The following FBXO7 variants were observed in gnomAD, a reference collection of about 807,000 sequenced individuals.
The protein encoded by FBXO7 is F-box protein 7.
Under a neutral mutation model 50.2 loss-of-function variants are expected in FBXO7, and 31 were observed. The ratio of observed to expected loss-of-function variants is 0.62; its 90% CI spans 0.46 to 0.83. The LOEUF (loss-of-function observed/expected upper bound fraction) is 0.83. FBXO7 is among the 40% of genes least tolerant of loss of function. The pLI, the probability that FBXO7 is intolerant of heterozygous loss-of-function variation, is 0.00. For missense variants in FBXO7, 667 were observed against 646.6 expected, an observed-to-expected ratio of 1.03 and a Z score of -0.34; for synonymous variants, 256 against 253.1, an observed-to-expected ratio of 1.01 and a Z score of -0.11.
At chr22:32,486,803 T>C (rs2057501704) in intron 4 of FBXO7, among the ~76,000 whole-genome samples, 1 of 152,186 alleles carries the variant, frequency 6.6e-6, no homozygotes, top group African/African-American at 2.4e-5. Flanking sequence ...AATTAGCAAA[T>C]GTAGCTTTTA....
intron 6 of FBXO7, 81 bp from the exon 7 acceptor site, chr22:32,493,024 T>A: frequency 7.4e-7 from 1 of 1,352,580 alleles, no homozygotes; most frequent in Non-Finnish European, 1.1e-6. Flanking sequence ...AAGGAACAAG[T>A]GGCAACTTTG....
At position 32,490,698 on chromosome 22, in the gene FBXO7, G is replaced by A. The variant is rs566426534; in HGVS notation, c.872-388G>A. On this transcript the variant is annotated intron_variant, in intron 5 of 8. Transcript: ENST00000266087. ...AGGTGCTGATACATAGTCATCATGC[G>A]ATAAATGCTATTAATTTACCAGGTT... 1.4e-3 allele frequency: 257 copies of A among 182,338 alleles called. 1 individual carries two copies. The highest frequency in any genetic ancestry group is 4.9e-3 in the Middle Eastern group (2 of 408). 11.3% of individuals were successfully genotyped at this position (182,338 alleles called of 1,614,324 possible). A position where few individuals can be genotyped will look rare whatever the true frequency, so the allele number is the denominator to read the frequency against.
chr22:32,498,282 C>G lies in FBXO7; in HGVS notation c.1321C>G (p.Pro441Ala). ...PRPFPSSRLPPGIIGGEYDQR... is the reference protein window; with the variant it reads ...PRPFPSSRLPAGIIGGEYDQR... The stretch of plus-strand genomic sequence containing the variant: ...GCCATTTCCTAGCTCCCGCCTTCCT[C>G]CAGGAATTATCGGGGGTGAATATGA... Residue 441 changes from proline to alanine, a missense_variant, in exon 9 of 9, where the codon CCA becomes GCA. Physicochemically the swap from Pro to Ala is conservative, Grantham distance 27 (BLOSUM62 -1). Coordinates refer to ENST00000266087, the MANE Select transcript of FBXO7 (RefSeq NM_012179.4). 6.2e-7 allele frequency: 1 copy of G among 1,614,196 alleles called. No individual in the cohort carries two copies. The highest frequency in any genetic ancestry group is 8.5e-7 in the Non-Finnish European group (1 of 1,180,032).
intron 1 of FBXO7, among the ~76,000 whole-genome samples, chr22:32,478,355 A>G (rs745767851): frequency 6.6e-6 from 1 of 152,204 alleles, no homozygotes; most frequent in Non-Finnish European, 1.5e-5. Context: ...ATGTAACAGC[A>G]GGGGAAAATG....
intron 6 of FBXO7, chr22:32,492,693 A>G (rs1033897972): frequency 8.3e-6 from 2 of 242,200 alleles, no homozygotes; most frequent in Admixed American, 1.0e-4. Context: ...TAACTTGTCC[A>G]AAGGCACACA....
At chr22:32,494,370 G>A (rs958669574) in intron 7 of FBXO7, among the ~76,000 whole-genome samples, 2 of 151,780 alleles carry the variant, frequency 1.3e-5, no homozygotes, top group Admixed American at 6.6e-5. Context: ...TTTGAGACAG[G>A]GTCTAGTTGT....
rs62241255 is a variant in FBXO7 at position 32,489,057 on chromosome 22, G to A, written c.871+1229G>A. Reference sequence around the variant, plus strand: ...GAACTCCTGACCTTGTGATCTGCCCGCCTCGGCCTCCCAAAGTGCTGGGAT... The same window carrying A: ...GAACTCCTGACCTTGTGATCTGCCCACCTCGGCCTCCCAAAGTGCTGGGAT... On this transcript the variant is annotated intron_variant, in intron 5 of 8. Coordinates refer to ENST00000266087, the MANE Select transcript of FBXO7 (RefSeq NM_012179.4). 1,358 of 152,150 alleles carry A rather than the reference G, an allele frequency of 8.9e-3. 13 individuals are homozygous for A. The highest frequency in any genetic ancestry group is 0.014 in the Non-Finnish European group (949 of 68,038). 9.4% of individuals were successfully genotyped at this position (152,150 alleles called of 1,614,324 possible).
rs1212272555 is a variant in FBXO7 at position 32,495,473 on chromosome 22, T to G, written c.1145-20T>G. 2 of 1,551,252 alleles carry G rather than the reference T, an allele frequency of 1.3e-6. No individual in the cohort carries two copies. On this transcript the variant is annotated intron_variant, in intron 7 of 8. Transcript: ENST00000266087. ...GAATGAAATGTTTTTAAATCCTTAT[T>G]TTTCCCTTTTCCTTTGTAGACAATA...
chr22:32,481,128 TG>T (rs1428732766), intron 2 of FBXO7, among the ~76,000 whole-genome samples: 6 of 152,218 alleles, frequency 3.9e-5, no homozygotes, highest in African/African-American at 1.2e-4. Context: ...CATGGTAACT[TG>T]TCATGGCATT....
At chr22:32,490,881 A>G (rs1053610094) in intron 5 of FBXO7, 10 of 530,486 alleles carry the variant, frequency 1.9e-5, no homozygotes, top group Non-Finnish European at 3.0e-5. Flanking sequence ...CTAATTTGAT[A>G]TCATGGAATT....
intron 4 of FBXO7, among the ~76,000 whole-genome samples, chr22:32,486,912 G>A (rs1027555521): frequency 2.6e-5 from 4 of 152,200 alleles, no homozygotes; most frequent in African/African-American, 9.7e-5. Context: ...TTACCAAATA[G>A]TAAATGTGTA....
intron 3 of FBXO7, 58 bp downstream of exon 3, chr22:32,484,182 C>T: frequency 7.5e-6 from 11 of 1,472,254 alleles, no homozygotes; most frequent in Non-Finnish European, 1.0e-5. Flanking sequence ...GTGGATGGTT[C>T]CTGCTCTCAA....
intron 1 of FBXO7, 156 bp downstream of exon 1, chr22:32,475,280 G>C (rs572475524): frequency 6.3e-7 from 1 of 1,589,036 alleles, no homozygotes; most frequent in African/African-American, 1.4e-5. Context: ...GGGAGGCCCG[G>C]GCTCTTCCGG....
intron 1 of FBXO7, 51 bp downstream of exon 1, chr22:32,475,175 GGT>G: frequency 6.5e-7 from 1 of 1,528,436 alleles, no homozygotes; most frequent in Non-Finnish European, 8.8e-7. Flanking sequence ...GAGTGCTTGG[GGT>G]GGGTGCAGGG....
intron 5 of FBXO7, 34 bp downstream of exon 5, chr22:32,487,862 ACT>A (rs768752665): frequency 8.3e-6 from 11 of 1,322,322 alleles, no homozygotes; most frequent in South Asian, 2.4e-5. Flanking sequence ...TTGGGGTGAA[ACT>A]CTGTGAAATT....
In FBXO7 at chr22:32,498,545, C is replaced by CATT; in HGVS notation, c.*16_*18dup. 1 of 1,608,914 alleles carries CATT rather than the reference C, an allele frequency of 6.2e-7. No individual in the cohort carries two copies. The highest frequency in any genetic ancestry group is 1.1e-5 in the South Asian group (1 of 90,934). On this transcript the variant is annotated 3_prime_UTR_variant, in exon 9 of 9. Transcript: ENST00000266087. The stretch of plus-strand genomic sequence containing the variant: ...CATTCATGTGATTGATTTGTAATTT[C>CATT]ATTTCTGGAGCTCCATTTGTTTTTG...
At chr22:32,479,629 T>A (rs1322947362) in intron 2 of FBXO7, among the ~76,000 whole-genome samples, 1 of 152,126 alleles carries the variant, frequency 6.6e-6, no homozygotes, top group Non-Finnish European at 1.5e-5. Flanking sequence ...TCTCTTGACC[T>A]CGTGATCTGC....
chr22:32,490,280 A>C (rs2057526079), intron 5 of FBXO7: 1 of 152,258 alleles, frequency 6.6e-6, no homozygotes, highest in Admixed American at 6.5e-5. Flanking sequence ...TCAGAGGGGC[A>C]GGTTATTTGT....
intron 7 of FBXO7, 101 bp from the exon 8 acceptor site, chr22:32,495,392 C>T (rs530073537): frequency 4.2e-5 from 26 of 616,764 alleles, no homozygotes; most frequent in Middle Eastern, 2.8e-4. Flanking sequence ...TTATGCTTAA[C>T]GGGTAAGTTT....
Sources: gnomAD v4.1 joint callset for allele counts (sites outside exome capture counted in the v4.1 genomes callset) on GRCh38, gnomAD v4.1.1 for gene constraint, MANE v1.5 for transcripts, NCBI Gene and HGNC (gene_info 2026-07-23, HGNC 2026-07-21) for gene names.